Variants in LUZP2 observed in about 807,000 individuals in gnomAD.
LUZP2 encodes leucine zipper protein 2.
A neutral mutation model predicts 51.6 loss-of-function variants in LUZP2; 52 were observed. The observed-to-expected ratio is 1.01, with a 90% CI of 0.81 to 1.27. The LOEUF is 1.27. LUZP2 is among the 50% of genes most tolerant of loss of function. The pLI, the probability that LUZP2 is intolerant of heterozygous loss-of-function variation, is 0.00. For synonymous variants in LUZP2, 154 were observed against 137.3 expected (o/e 1.12, Z -0.85); for missense variants, 436 against 395.4 (o/e 1.10, Z -0.87).
At chr11:24,646,725 T>C (rs1303543852) in intron 1 of LUZP2, 1 of 361,530 alleles carries the variant, frequency 2.8e-6, no homozygotes, top group African/African-American at 2.2e-5. Flanking sequence ...TCCAGTAGTT[T>C]CTCCAAACTG....
chr11:24,615,714 G>T (rs117999840), intron 1 of LUZP2, among the ~76,000 whole-genome samples: 1 of 151,854 alleles, frequency 6.6e-6, no homozygotes, highest in Admixed American at 6.6e-5. Context: ...AGTTTCAGCA[G>T]AATTTTCAAA....
chr11:24,531,765 A>C (rs1269961963), intron 1 of LUZP2, among the ~76,000 whole-genome samples: 1 of 151,022 alleles, frequency 6.6e-6, no homozygotes, highest in Non-Finnish European at 1.5e-5. Flanking sequence ...GAAATTTCAA[A>C]ATTATCATGG....
chr11:24,791,394 T>C (rs901415990), intron 5 of LUZP2, among the ~76,000 whole-genome samples: 2 of 152,148 alleles, frequency 1.3e-5, no homozygotes, highest in African/African-American at 4.8e-5. Context: ...TTTTATGGAA[T>C]AGGAGAACAT....
chr11:24,779,723 T>C (rs1381099953), intron 5 of LUZP2, among the ~76,000 whole-genome samples: 1 of 152,210 alleles, frequency 6.6e-6, no homozygotes, highest in African/African-American at 2.4e-5. Context: ...TATTTGTATA[T>C]GTGATACAGT....
chr11:24,500,521 T>C (rs2133747688), intron 1 of LUZP2, among the ~76,000 whole-genome samples: 1 of 152,246 alleles, frequency 6.6e-6, no homozygotes, highest in African/African-American at 2.4e-5. Flanking sequence ...AAAGAAGCAG[T>C]ATAGGTATTG....
intron 8 of LUZP2, among the ~76,000 whole-genome samples, chr11:24,982,174 T>A (rs190818001): frequency 8.7e-4 from 133 of 152,042 alleles, no homozygotes; most frequent in East Asian, 8.2e-3. Context: ...TGTAAATTAG[T>A]TCAGCCATTG....
At chr11:24,530,972 T>G (rs1293180196) in intron 1 of LUZP2, among the ~76,000 whole-genome samples, 1 of 149,880 alleles carries the variant, frequency 6.7e-6, no homozygotes. Context: ...TGTGTTCTAA[T>G]TATTTCCAAA....
At chr11:24,961,872 G>C (rs573259599) in intron 7 of LUZP2, among the ~76,000 whole-genome samples, 2 of 151,454 alleles carry the variant, frequency 1.3e-5, no homozygotes, top group Admixed American at 1.3e-4. Flanking sequence ...GCATGATTTT[G>C]CAGTGGCTGG....
intron 1 of LUZP2, among the ~76,000 whole-genome samples, chr11:24,526,080 A>T (rs1850791037): frequency 6.6e-6 from 1 of 151,250 alleles, no homozygotes; most frequent in Non-Finnish European, 1.5e-5. Context: ...TTGTTCATTC[A>T]TTCTTTCTTT....
At chr11:24,764,175 G>A (rs1009186366) in intron 5 of LUZP2, among the ~76,000 whole-genome samples, 1 of 152,152 alleles carries the variant, frequency 6.6e-6, no homozygotes, top group Admixed American at 6.5e-5. Flanking sequence ...AGGGTAGGGA[G>A]TACATTTATA....
At chr11:25,046,801 C>T (rs1858327915) in intron 9 of LUZP2, among the ~76,000 whole-genome samples, 1 of 151,930 alleles carries the variant, frequency 6.6e-6, no homozygotes. Context: ...ATTTTTTAGA[C>T]CTGTAAAGTA....
intron 5 of LUZP2, among the ~76,000 whole-genome samples, chr11:24,851,474 G>C (rs766189427): frequency 6.6e-6 from 1 of 152,130 alleles, no homozygotes; most frequent in Admixed American, 6.5e-5. Flanking sequence ...TAGTGGATAA[G>C]CTTTTTGATG....
At chr11:24,523,626 G>T (rs1054272135) in intron 1 of LUZP2, among the ~76,000 whole-genome samples, 1 of 151,010 alleles carries the variant, frequency 6.6e-6, no homozygotes, top group African/African-American at 2.4e-5. Context: ...TGACTATTTA[G>T]CTCTAAATCA....
chr11:24,624,770 GATA>G (rs1481444430), intron 1 of LUZP2, among the ~76,000 whole-genome samples: 29 of 152,226 alleles, frequency 1.9e-4, no homozygotes, highest in African/African-American at 5.5e-4. Flanking sequence ...CTCCATATGT[GATA>G]ATATAAAGTG....
intron 7 of LUZP2, among the ~76,000 whole-genome samples, chr11:24,942,180 A>G (rs980685553): frequency 6.6e-6 from 1 of 152,192 alleles, no homozygotes; most frequent in East Asian, 1.9e-4. Context: ...GAGGTCTCAC[A>G]CAGAGATCTT....
intron 1 of LUZP2, among the ~76,000 whole-genome samples, chr11:24,552,633 G>T (rs556308182): frequency 6.6e-6 from 1 of 151,884 alleles, no homozygotes; most frequent in South Asian, 2.1e-4. Flanking sequence ...AGATCAGCTG[G>T]GTATAAGAGC....
chr11:24,549,756 T>C (rs1225643158), intron 1 of LUZP2, among the ~76,000 whole-genome samples: 1 of 152,102 alleles, frequency 6.6e-6, no homozygotes, highest in Admixed American at 6.6e-5. Flanking sequence ...TGTCATTTTG[T>C]TGTGAATGAC....
intron 1 of LUZP2, among the ~76,000 whole-genome samples, chr11:24,696,782 T>G (rs1857260874): frequency 6.6e-6 from 1 of 152,008 alleles, no homozygotes; most frequent in Non-Finnish European, 1.5e-5. Flanking sequence ...TTATAAGAAT[T>G]TTTATAAACA....
chr11:24,989,101 T>TA (rs67413838), intron 9 of LUZP2, among the ~76,000 whole-genome samples: 9 of 143,774 alleles, frequency 6.3e-5, no homozygotes, highest in African/African-American at 2.1e-4. Flanking sequence ...CCTGTGCAGT[T>TA]AAAAAAAAAA....
Sources: allele counts gnomAD v4.1 joint callset (sites outside exome capture counted in the v4.1 genomes callset), GRCh38; gene constraint gnomAD v4.1.1; transcripts MANE v1.5; gene names NCBI Gene and HGNC (gene_info 2026-07-23, HGNC 2026-07-21).